PCDH15: variants seen among roughly 807,000 people sequenced by gnomAD.
The protein encoded by PCDH15 is protocadherin-15.
Under a neutral mutation model 178.5 loss-of-function variants are expected in PCDH15, and 129 were observed. That is an observed-to-expected ratio of 0.72 (90% CI 0.63 to 0.84). The LOEUF is 0.84. Ranked by LOEUF, PCDH15 falls within the 40% of genes least tolerant of loss-of-function variation. The probability of loss-of-function intolerance (pLI) is 0.00; values close to 1 mark genes in which losing one functional copy is unlikely to be tolerated. For synonymous variants in PCDH15, 800 were observed against 732.0 expected, an observed-to-expected ratio of 1.09 and a Z score of -1.50; for missense variants, 2,230 against 2,099.9, an observed-to-expected ratio of 1.06 and a Z score of -1.21.
chr10:53,956,836 GCTCT>G (rs1216926095), intron 23 of PCDH15, among the ~76,000 whole-genome samples: 11 of 152,234 alleles, frequency 7.2e-5, no homozygotes, highest in Middle Eastern at 3.4e-3. Flanking sequence ...GCTAACTTTT[GCTCT>G]CTAAGTTAAC....
chr10:53,816,438 T>TAACTA (rs1266280428), intron 34 of PCDH15, among the ~76,000 whole-genome samples, 161 bp from the exon 35 acceptor site: 2 of 152,236 alleles, frequency 1.3e-5, no homozygotes, highest in African/African-American at 4.8e-5. Context: ...TTAAATATTT[T>TAACTA]AACTAATTCT....
In PCDH15 at chr10:55,371,571, C is replaced by T. The variant is rs189941259; in HGVS notation, c.-155-204920G>A. Among the ~76,000 whole-genome samples, 99 of 152,160 alleles carry T rather than the reference C, an allele frequency of 6.5e-4. 1 individual carries two copies. Among genetic ancestry groups the T allele is most frequent in the African/African-American group, 2.4e-3 (99 of 41,540 alleles). On this transcript the variant is annotated intron_variant, in intron 2 of 5. Transcript: ENST00000613346. ...GATACTGAATGAGTGCTCAAAAGAT[C>T]TGGTTGTTTGAAAGTGTGTAGCACT...
At chr10:54,878,121 A>G (rs1308739042) in intron 3 of PCDH15, among the ~76,000 whole-genome samples, 3 of 151,218 alleles carry the variant, frequency 2.0e-5, no homozygotes, top group African/African-American at 7.3e-5. Context: ...TGCCATCATG[A>G]CTAGCTAATT....
intron 4 of PCDH15, among the ~76,000 whole-genome samples, chr10:54,375,755 G>A (rs936981861): frequency 7.1e-6 from 1 of 141,406 alleles, no homozygotes; most frequent in Non-Finnish European, 1.5e-5. Flanking sequence ...GTTCTATTTT[G>A]ATATTCAGAG....
chr10:54,273,838 G>A (rs1233478829), intron 8 of PCDH15, among the ~76,000 whole-genome samples: 2 of 151,984 alleles, frequency 1.3e-5, no homozygotes, highest in Non-Finnish European at 2.9e-5. Context: ...TATTCCCTCT[G>A]GAACACCCTT....
At chr10:55,438,290 A>T (rs1310798114) in intron 2 of PCDH15, among the ~76,000 whole-genome samples, 1 of 152,168 alleles carries the variant, frequency 6.6e-6, no homozygotes, top group Non-Finnish European at 1.5e-5. Flanking sequence ...ACAGCTGTTA[A>T]CACTATTCTA....
intron 2 of PCDH15, among the ~76,000 whole-genome samples, chr10:55,427,399 A>G (rs1440391688): frequency 3.9e-5 from 6 of 152,168 alleles, no homozygotes; most frequent in African/African-American, 1.4e-4. Context: ...TGATATATCT[A>G]TTACATTAAG....
intron 1 of PCDH15, among the ~76,000 whole-genome samples, chr10:54,770,091 T>C (rs1948925735): frequency 6.6e-6 from 1 of 152,106 alleles, no homozygotes; most frequent in East Asian, 1.9e-4. Context: ...CATCAAACAA[T>C]GCAGATACAG....
At chr10:54,617,941 GAAGAGT>G (rs2093230876) in intron 2 of PCDH15, among the ~76,000 whole-genome samples, 1 of 149,704 alleles carries the variant, frequency 6.7e-6, no homozygotes. Flanking sequence ...AAAAAAAGAA[GAAGAGT>G]AAGAGTAAGA....
intron 1 of PCDH15, among the ~76,000 whole-genome samples, chr10:55,241,545 G>A (rs973833308): frequency 3.9e-5 from 6 of 151,932 alleles, no homozygotes; most frequent in South Asian, 4.1e-4. Flanking sequence ...TTAGTCTCCC[G>A]AGTAGCTGAG....
intron 2 of PCDH15, among the ~76,000 whole-genome samples, chr10:54,612,689 T>G (rs2093002687): frequency 6.6e-6 from 1 of 151,658 alleles, no homozygotes; most frequent in Non-Finnish European, 1.5e-5. Context: ...AAAATAAAAC[T>G]GGTTGCAGAA....
intron 2 of PCDH15, among the ~76,000 whole-genome samples, chr10:55,334,240 ATATGTG>A (rs1343377262): frequency 7.9e-5 from 7 of 88,626 alleles, no homozygotes; most frequent in South Asian, 4.1e-4. Context: ...ATATATATAT[ATATGTG>A]TGTGTGTGTG....
At chr10:55,372,802 C>T (rs376858262) in intron 2 of PCDH15, among the ~76,000 whole-genome samples, 25 of 152,204 alleles carry the variant, frequency 1.6e-4, no homozygotes, top group African/African-American at 5.3e-4. Flanking sequence ...TCTCCCAAGA[C>T]TTTGAGAGTA....
At chr10:55,461,375 T>A (rs1839673525) in intron 2 of PCDH15, among the ~76,000 whole-genome samples, 2 of 152,182 alleles carry the variant, frequency 1.3e-5, no homozygotes, top group Non-Finnish European at 2.9e-5. Context: ...CCAGGATGGC[T>A]TTCACATCAG....
chr10:55,041,813 A>G (rs1361650946), intron 2 of PCDH15, among the ~76,000 whole-genome samples: 1 of 152,160 alleles, frequency 6.6e-6, no homozygotes, highest in African/African-American at 2.4e-5. Context: ...ACCAGATTTT[A>G]TCATTTTTCT....
chr10:55,408,378 G>T (rs1838254370), intron 2 of PCDH15, among the ~76,000 whole-genome samples: 1 of 151,888 alleles, frequency 6.6e-6, no homozygotes, highest in Non-Finnish European at 1.5e-5. Flanking sequence ...TAGAGACGGG[G>T]ATTCACCATA....
At chr10:54,871,615 A>G (rs987943855) in intron 3 of PCDH15, among the ~76,000 whole-genome samples, 1 of 152,084 alleles carries the variant, frequency 6.6e-6, no homozygotes, top group African/African-American at 2.4e-5. Context: ...GTTTAGATAC[A>G]TATGTTTAGG....
intron 1 of PCDH15, among the ~76,000 whole-genome samples, chr10:55,189,868 G>C (rs887224342): frequency 6.6e-6 from 1 of 151,800 alleles, no homozygotes; most frequent in African/African-American, 2.4e-5. Context: ...GTATTCACTA[G>C]AGCTAAGCAT....
intron 1 of PCDH15, among the ~76,000 whole-genome samples, chr10:54,754,120 G>A (rs868478229): frequency 2.6e-5 from 4 of 151,874 alleles, no homozygotes; most frequent in African/African-American, 4.8e-5. Context: ...GAGCCACCGC[G>A]CCCGGCTCCC....
Sources: gnomAD v4.1 joint callset for allele counts (sites outside exome capture counted in the v4.1 genomes callset) on GRCh38, gnomAD v4.1.1 for gene constraint, MANE v1.5 for transcripts, NCBI Gene and HGNC (gene_info 2026-07-23, HGNC 2026-07-21) for gene names.